The following PLCH1 variants were observed in gnomAD, a reference collection of about 807,000 sequenced individuals.
The protein encoded by PLCH1 is 1-phosphatidylinositol 4,5-bisphosphate phosphodiesterase eta-1.
In PLCH1, 60 loss-of-function variants were observed where a neutral mutation model predicts 126.7. The ratio of observed to expected loss-of-function variants is 0.47; its 90% CI spans 0.38 to 0.59. The LOEUF (loss-of-function observed/expected upper bound fraction) is 0.59, where lower values mean the gene tolerates loss of function less well. Ranked by LOEUF, PLCH1 falls within the 20% of genes least tolerant of loss-of-function variation. The pLI, the probability that PLCH1 is intolerant of heterozygous loss-of-function variation, is 0.00. For synonymous variants in PLCH1, 719 were observed against 734.9 expected (o/e 0.98, Z 0.35); for missense variants, 1,723 against 2,040.0 (o/e 0.84, Z 2.99).
At chr3:155,615,192 A>G (rs1332118282) in intron 2 of PLCH1, among the ~76,000 whole-genome samples, 1 of 152,246 alleles carries the variant, frequency 6.6e-6, no homozygotes, top group South Asian at 2.1e-4. Flanking sequence ...AGTGCTCAAC[A>G]TGACTAATCA....
chr3:155,743,538 G>C (rs1749772255), intron 1 of PLCH1: 1 of 450,546 alleles, frequency 2.2e-6, no homozygotes, highest in Admixed American at 2.5e-5. Context: ...TCTCAAAAAA[G>C]AAAAAAAGAA....
At chr3:155,520,781 T>C (rs1243129565) in intron 11 of PLCH1, among the ~76,000 whole-genome samples, 4 of 152,240 alleles carry the variant, frequency 2.6e-5, no homozygotes, top group African/African-American at 9.6e-5. Context: ...CCTTGTGGCT[T>C]ACCCATTGTG....
Position 155,482,940 on chromosome 3 carries a change from G to A in PLCH1, c.3086C>T (p.Thr1029Ile), listed in dbSNP as rs746520620. The A allele has an allele frequency of 3.1e-6, 5 of 1,614,004 alleles. No individual in the cohort carries two copies. Among genetic ancestry groups the A allele is most frequent in the Non-Finnish European group, 3.4e-6 (4 of 1,180,000 alleles). The change falls in exon 23 of 23, where the codon ACC becomes ATC. Residue 1029 changes from threonine to isoleucine, a missense_variant. By Grantham distance (89) the Thr-to-Ile change is moderately conservative. Transcript: ENST00000460012. Reference sequence around the variant, plus strand: ...AGATACAATGGTGTCCCCTTGGCTGGTATCTTTGTGGAGCAGAGCACTGGA... The same window carrying A: ...AGATACAATGGTGTCCCCTTGGCTGATATCTTTGTGGAGCAGAGCACTGGA... ...SSSSALLHKD[T>I]SQGDTIVSTA... is the part of the protein sequence containing the mutation.
intron 2 of PLCH1, among the ~76,000 whole-genome samples, chr3:155,618,429 C>T (rs1031857493): frequency 2.6e-5 from 4 of 152,096 alleles, no homozygotes; most frequent in Non-Finnish European, 4.4e-5. Context: ...AAACAGCCAC[C>T]GTCCTCCTCT....
rs1413549704 is a variant in PLCH1 at position 155,594,144 on chromosome 3, C to T, written c.267G>A (p.Gln89=). The T allele has an allele frequency of 6.2e-6, 10 of 1,614,076 alleles. No homozygotes were observed. The highest frequency in any genetic ancestry group is 8.5e-6 in the Non-Finnish European group (10 of 1,179,952). Reference sequence around the variant, plus strand: ...CAGCTTGTCTGTGGAATATTTCAGACTGCCGGCCCTCAGTCACTTTGTAAA... The same window carrying T: ...CAGCTTGTCTGTGGAATATTTCAGATTGCCGGCCCTCAGTCACTTTGTAAA... ...DSIYKVTEGR[Q]SEIFHRQAEG... is the part of the protein sequence containing the mutation. Residue 89 remains glutamine (Q), a synonymous_variant, in exon 4 of 23, where the codon CAG becomes CAA. Coordinates refer to ENST00000460012, the MANE Select transcript of PLCH1 (RefSeq NM_014996.4).
At chr3:155,561,475 A>G (rs1203308376) in intron 8 of PLCH1, among the ~76,000 whole-genome samples, 25 of 151,534 alleles carry the variant, frequency 1.6e-4, no homozygotes, top group African/African-American at 6.1e-4. Context: ...ATCATTTTTT[A>G]TGGCTGCATA....
intron 8 of PLCH1, among the ~76,000 whole-genome samples, chr3:155,560,356 A>C (rs554964257): frequency 1.1e-3 from 165 of 152,290 alleles, no homozygotes; most frequent in South Asian, 1.9e-3. Context: ...TGAGAGCAGA[A>C]TGTCACCTTG....
chr3:155,568,047 C>G (rs498378), intron 7 of PLCH1, among the ~76,000 whole-genome samples, 184 bp downstream of exon 7: 132,005 of 152,190 alleles, frequency 0.87, 57,946 homozygotes, highest in African/African-American at 0.97. Context: ...AAAAGTAAGA[C>G]AAATAGCAAC....
chr3:155,533,966 A>G (rs1014642304), intron 10 of PLCH1, among the ~76,000 whole-genome samples: 1 of 152,232 alleles, frequency 6.6e-6, no homozygotes, highest in Non-Finnish European at 1.5e-5. Flanking sequence ...GGATGTATGG[A>G]AACACCTGGA....
At chr3:155,723,409 TTTG>T (rs1748096074) in intron 1 of PLCH1, among the ~76,000 whole-genome samples, 1 of 152,290 alleles carries the variant, frequency 6.6e-6, no homozygotes, top group South Asian at 2.1e-4. Flanking sequence ...TTTGTTTTGT[TTTG>T]TTCTGTTTCC....
intron 4 of PLCH1, among the ~76,000 whole-genome samples, chr3:155,592,992 C>G (rs570762951): frequency 4.6e-5 from 7 of 152,290 alleles, no homozygotes; most frequent in Non-Finnish European, 8.8e-5. Context: ...CTTTCATGAG[C>G]TGAATTATTT....
At chr3:155,595,715 T>A (rs1050250967) in intron 3 of PLCH1, among the ~76,000 whole-genome samples, 1 of 150,150 alleles carries the variant, frequency 6.7e-6, no homozygotes, top group African/African-American at 2.5e-5. Flanking sequence ...CATCTATGTA[T>A]CTATCTATCT....
chr3:155,744,302 GGCAATGGAGTATATCCTCCTC>G (rs1486570949), intron 1 of PLCH1, among the ~76,000 whole-genome samples: 1 of 152,170 alleles, frequency 6.6e-6, no homozygotes, highest in Non-Finnish European at 1.5e-5. Context: ...CCCAGGAAAG[GGCAATGGAGTATATCCTCCTC>G]GCGCTGAGCA....
intron 2 of PLCH1, among the ~76,000 whole-genome samples, chr3:155,681,862 G>A (rs182164353): frequency 3.9e-5 from 6 of 152,120 alleles, no homozygotes; most frequent in Non-Finnish European, 8.8e-5. Context: ...AAATAGGGGG[G>A]TTTTTTACTA....
At chr3:155,550,327 C>G (rs73154253) in intron 9 of PLCH1, among the ~76,000 whole-genome samples, 7,519 of 152,100 alleles carry the variant, frequency 0.049, 229 homozygotes, top group Middle Eastern at 0.092. Flanking sequence ...CTTATTTATT[C>G]AAAAGTCTAA....
chr3:155,567,868 A>G (rs1728718165), intron 7 of PLCH1, among the ~76,000 whole-genome samples: 1 of 152,292 alleles, frequency 6.6e-6, no homozygotes, highest in African/African-American at 2.4e-5. Flanking sequence ...ATGGCAAGTC[A>G]CTAGTCTCAG....
chr3:155,607,581 G>C (rs1314630804), intron 2 of PLCH1, among the ~76,000 whole-genome samples: 1 of 151,886 alleles, frequency 6.6e-6, no homozygotes, highest in African/African-American at 2.4e-5. Flanking sequence ...GCTGGGAGTA[G>C]AGGTGCATGC....
At position 155,598,685 on chromosome 3, in the gene PLCH1, T is replaced by C. The variant is rs548746226; in HGVS notation, c.80-2307A>G. 2.0e-5 allele frequency among the ~76,000 whole-genome samples: 3 copies of C among 152,334 alleles called. No individual in the cohort carries two copies. The South Asian group carries it at 6.2e-4, about 32-fold the overall frequency. ...TGGGGTAGAATTCCAGATCTGCCAC[T>C]TACTAACTGTATGACTACATACAGC... On this transcript the variant is annotated intron_variant, in intron 2 of 22. Transcript: ENST00000460012.
intron 2 of PLCH1, among the ~76,000 whole-genome samples, chr3:155,605,160 C>T (rs572368845): frequency 1.3e-5 from 2 of 152,308 alleles, no homozygotes; most frequent in East Asian, 3.9e-4. Context: ...GAGGTACTCT[C>T]TCTTTGTCTC....
Sources: gnomAD v4.1 joint callset for allele counts (sites outside exome capture counted in the v4.1 genomes callset) on GRCh38, gnomAD v4.1.1 for gene constraint, MANE v1.5 for transcripts, NCBI Gene and HGNC (gene_info 2026-07-23, HGNC 2026-07-21) for gene names.